The following MAGI3 variants were observed in gnomAD, a reference collection of about 807,000 sequenced individuals.
The protein encoded by MAGI3 is membrane-associated guanylate kinase, WW and PDZ domain-containing protein 3.
A neutral mutation model predicts 121.8 loss-of-function variants in MAGI3; 43 were observed. That is an observed-to-expected ratio of 0.35 (90% CI 0.28 to 0.46). The LOEUF (loss-of-function observed/expected upper bound fraction) is 0.46, where lower values mean the gene tolerates loss of function less well. MAGI3 is among the 20% of genes least tolerant of loss of function. MAGI3 has a pLI of 1.00. For synonymous variants in MAGI3, 553 were observed against 639.3 expected, an observed-to-expected ratio of 0.86 and a Z score of 2.04; for missense variants, 1,547 against 1,797.3, an observed-to-expected ratio of 0.86 and a Z score of 2.52.
At chr1:113,416,296 A>AATTAATGACACAT (rs1231358074) in intron 1 of MAGI3, among the ~76,000 whole-genome samples, 11 of 82,180 alleles carry the variant, frequency 1.3e-4, no homozygotes, top group African/African-American at 2.3e-4. Context: ...TTAATTATGT[A>AATTAATGACACAT]ATTAATTATG....
chr1:113,505,087 G>A (rs866284497), intron 1 of MAGI3, among the ~76,000 whole-genome samples: 2 of 152,106 alleles, frequency 1.3e-5, no homozygotes, highest in Non-Finnish European at 2.9e-5. Context: ...TCAGTGGTTA[G>A]CATGTTTTTA....
chr1:113,437,870 T>TTCTTCC (rs1557757139), intron 1 of MAGI3, among the ~76,000 whole-genome samples: 39 of 18,502 alleles, frequency 2.1e-3, no homozygotes, highest in Non-Finnish European at 2.9e-3. Context: ...CTTCCTCTTC[T>TTCTTCC]TCTTCTTCTC....
At chr1:113,643,893 T>C (rs561236215) in intron 11 of MAGI3, 119 bp downstream of exon 11, 36 of 1,070,208 alleles carry the variant, frequency 3.4e-5, no homozygotes, top group Non-Finnish European at 4.7e-5. Context: ...TTAGGAGGCA[T>C]GCTGCCCTTG....
At chr1:113,620,987 A>T (rs1650782456) in intron 8 of MAGI3, among the ~76,000 whole-genome samples, 1 of 152,228 alleles carries the variant, frequency 6.6e-6, no homozygotes, top group Non-Finnish European at 1.5e-5. Flanking sequence ...TTATTAATAG[A>T]CATGTACAAG....
rs568077246 is a variant in MAGI3, at chr1:113,474,136, T to G, written c.317-75379T>G. Among the ~76,000 whole-genome samples the G allele has an allele frequency of 2.1e-3, 314 of 152,352 alleles. 4 individuals are homozygous for G. The highest frequency in any genetic ancestry group is 7.3e-3 in the African/African-American group (305 of 41,582). ...GTTGTTTTTTTCTTGTAAATTTGTT[T>G]GAGTTCATTGTAGATTCTGGATATT... On this transcript the variant is annotated intron_variant, in intron 1 of 20. Coordinates refer to ENST00000307546, the MANE Select transcript of MAGI3 (RefSeq NM_001142782.2).
chr1:113,405,924 C>G (rs956115755), intron 1 of MAGI3, among the ~76,000 whole-genome samples: 1 of 152,106 alleles, frequency 6.6e-6, no homozygotes, highest in African/African-American at 2.4e-5. Flanking sequence ...GTGGTATTCT[C>G]TTTTCTGTTG....
At chr1:113,522,178 T>C (rs1378221499) in intron 1 of MAGI3, among the ~76,000 whole-genome samples, 1 of 152,234 alleles carries the variant, frequency 6.6e-6, no homozygotes. Flanking sequence ...CGATCTCTAT[T>C]CACTGCAACC....
intron 1 of MAGI3, among the ~76,000 whole-genome samples, chr1:113,548,605 C>T (rs916059951): frequency 6.6e-6 from 1 of 152,158 alleles, no homozygotes; most frequent in African/African-American, 2.4e-5. Flanking sequence ...GAAGAGTGAC[C>T]AAATTAGGAT....
intron 1 of MAGI3, among the ~76,000 whole-genome samples, chr1:113,496,140 T>C (rs568714746): frequency 1.3e-5 from 2 of 152,340 alleles, no homozygotes; most frequent in Admixed American, 6.5e-5. Context: ...TTTTTGCTTG[T>C]TGCTAATGCT....
At chr1:113,450,462 G>A (rs1289518285) in intron 1 of MAGI3, 4 of 1,103,768 alleles carry the variant, frequency 3.6e-6, no homozygotes, top group Non-Finnish European at 5.5e-6. Flanking sequence ...GGGGGCTATG[G>A]TGGTGGTGGA....
intron 1 of MAGI3, among the ~76,000 whole-genome samples, chr1:113,470,404 C>T (rs187343552): frequency 6.6e-6 from 1 of 152,114 alleles, no homozygotes; most frequent in Admixed American, 6.5e-5. Context: ...AAGCAGCTTT[C>T]AAAAAAGTAT....
intron 1 of MAGI3, among the ~76,000 whole-genome samples, chr1:113,427,881 T>G (rs1570660871): frequency 6.6e-6 from 1 of 152,190 alleles, no homozygotes; most frequent in East Asian, 1.9e-4. Flanking sequence ...GAATCAAAAT[T>G]GGCTCACTAA....
chr1:113,656,189 A>T (rs1372385060), intron 15 of MAGI3, among the ~76,000 whole-genome samples: 1 of 152,188 alleles, frequency 6.6e-6, no homozygotes, highest in Non-Finnish European at 1.5e-5. Flanking sequence ...CTGAAATGCT[A>T]GTTAATAATC....
chr1:113,664,375 C>A (rs1192234872), intron 16 of MAGI3, among the ~76,000 whole-genome samples: 2 of 152,160 alleles, frequency 1.3e-5, no homozygotes, highest in Admixed American at 6.6e-5. Context: ...AGTCACATTG[C>A]CTACAACACT....
At chr1:113,578,596 AT>A (rs1213223078) in intron 2 of MAGI3, among the ~76,000 whole-genome samples, 2 of 152,022 alleles carry the variant, frequency 1.3e-5, no homozygotes, top group African/African-American at 2.4e-5. Flanking sequence ...AATTTTAAAA[AT>A]TTTTTTATAG....
At chr1:113,447,654 G>A (rs1174015898) in intron 1 of MAGI3, among the ~76,000 whole-genome samples, 2 of 152,182 alleles carry the variant, frequency 1.3e-5, no homozygotes, top group Admixed American at 1.3e-4. Context: ...AGGAGTTGGA[G>A]ACCAACCTGG....
rs1299526920 is a variant in MAGI3 at position 113,685,580 on chromosome 1, T to G, written c.*1566T>G. 1.3e-5 allele frequency: 2 copies of G among 152,352 alleles called. No individual in the cohort carries two copies. The highest frequency in any genetic ancestry group is 2.9e-5 in the Non-Finnish European group (2 of 68,030). The allele number at this position is 152,352 out of a possible 1,614,324, so 9.4% of individuals were successfully genotyped here. A position where few individuals can be genotyped will look rare whatever the true frequency, so the allele number is the denominator to read the frequency against. On this transcript the variant is annotated 3_prime_UTR_variant, in exon 21 of 21. Transcript: ENST00000307546. ...TACCCACCTATTGTAACTATTCAAATAGAGCAAAATTAGGAGGCTTGATAA... is the reference window on the plus strand; with the variant it reads ...TACCCACCTATTGTAACTATTCAAAGAGAGCAAAATTAGGAGGCTTGATAA...
intron 1 of MAGI3, among the ~76,000 whole-genome samples, chr1:113,482,761 A>G (rs1439070823): frequency 6.7e-6 from 1 of 150,208 alleles, no homozygotes; most frequent in African/African-American, 2.5e-5. Flanking sequence ...TAAAGGCATG[A>G]TGCCCTTTGG....
At chr1:113,453,387 C>T (rs542813489) in intron 1 of MAGI3, among the ~76,000 whole-genome samples, 1 of 152,078 alleles carries the variant, frequency 6.6e-6, no homozygotes, top group Non-Finnish European at 1.5e-5. Flanking sequence ...TTTTTTATAA[C>T]AATTTTTCTT....
Sources: allele counts gnomAD v4.1 joint callset (sites outside exome capture counted in the v4.1 genomes callset), GRCh38; gene constraint gnomAD v4.1.1; transcripts MANE v1.5; gene names NCBI Gene and HGNC (gene_info 2026-07-23, HGNC 2026-07-21).